The following IL22RA2 variants were observed in gnomAD, a reference collection of about 807,000 sequenced individuals.
IL22RA2 encodes the protein interleukin 22 receptor subunit alpha 2.
A neutral mutation model predicts 30.7 loss-of-function variants in IL22RA2; 39 were observed. That is an observed-to-expected ratio of 1.27 (90% confidence interval 0.98 to 1.66). IL22RA2 has a LOEUF of 1.66. Among genes scored for constraint, IL22RA2 ranks in the 40% most tolerant of loss-of-function variants. The pLI, the probability that IL22RA2 is intolerant of heterozygous loss-of-function variation, is 0.00. For synonymous variants in IL22RA2, 103 were observed against 105.0 expected, an observed-to-expected ratio of 0.98 and a Z score of 0.11; for missense variants, 315 against 312.7, an observed-to-expected ratio of 1.01 and a Z score of -0.05.
At position 137,145,672 on chromosome 6, in the gene IL22RA2, T is replaced by G. The variant is rs758149655; in HGVS notation, c.744A>C (p.Leu248Phe). The change falls in exon 7 of 7, where the codon TTA becomes TTC. Residue 248 changes from leucine to phenylalanine, a missense_variant. By Grantham distance (22) the Leu-to-Phe change is conservative. Transcript: ENST00000296980. ...CTTCACTTCTCTGACTTCTTCTGTC[T>G]AACATGGGCTGATATATTTCAGCCA... is the stretch of plus-strand genomic sequence containing the variant. ...CVVAEIYQPM[L>F]DRRSQRSEER... 1.2e-6 allele frequency: 2 copies of G among 1,612,756 alleles called. No individual in the cohort carries two copies. Among genetic ancestry groups the G allele is most frequent in the African/African-American group, 2.7e-5 (2 of 74,916 alleles).
At chr6:137,147,579 G>A (rs1329880929) in intron 6 of IL22RA2, 143 bp downstream of exon 6, 1 of 672,102 alleles carries the variant, frequency 1.5e-6, no homozygotes, top group South Asian at 2.3e-5. Context: ...GTTGATCAAT[G>A]ATGGCTGAGA....
At position 137,145,020 on chromosome 6, in the gene IL22RA2, ACC is replaced by A. The variant is rs1778146205; in HGVS notation, c.*602_*603del. The stretch of plus-strand genomic sequence containing the variant: ...AAATCATAAGATTTTTTTCCCCAAA[ACC>A]TGTTCTTATTTACATAAAGTAGACT... On this transcript the variant is annotated 3_prime_UTR_variant, in exon 7 of 7. Coordinates refer to ENST00000296980, the MANE Select transcript of IL22RA2 (RefSeq NM_052962.3). The A allele has an allele frequency of 6.6e-6, 1 of 151,730 alleles. No homozygotes were observed. The allele number at this position is 151,730 out of a possible 1,614,324, so 9.4% of individuals were successfully genotyped here.
At chr6:137,159,404 T>G (rs1419113376) in intron 2 of IL22RA2, among the ~76,000 whole-genome samples, 1 of 152,022 alleles carries the variant, frequency 6.6e-6, no homozygotes, top group Non-Finnish European at 1.5e-5. Context: ...CACTGCAACC[T>G]CTGCCTCCCG....
At chr6:137,172,872 A>T (rs1435634532) in intron 1 of IL22RA2, among the ~76,000 whole-genome samples, 1 of 150,600 alleles carries the variant, frequency 6.6e-6, no homozygotes, top group African/African-American at 2.4e-5. Flanking sequence ...TATTATTTTT[A>T]TTTTTTTTTA....
At chr6:137,159,758 C>G (rs1488888227) in intron 2 of IL22RA2, among the ~76,000 whole-genome samples, 1 of 152,204 alleles carries the variant, frequency 6.6e-6, no homozygotes, top group Non-Finnish European at 1.5e-5. Flanking sequence ...TGGCCCTTCC[C>G]TTTTCCTGGT....
chr6:137,162,489 C>T (rs952937173), intron 1 of IL22RA2, among the ~76,000 whole-genome samples: 3 of 152,154 alleles, frequency 2.0e-5, no homozygotes, highest in African/African-American at 7.2e-5. Flanking sequence ...CCTGTCAAAC[C>T]ACATGATTCC....
At chr6:137,153,814 C>A (rs141641124) in intron 5 of IL22RA2, among the ~76,000 whole-genome samples, 2 of 151,896 alleles carry the variant, frequency 1.3e-5, no homozygotes, top group African/African-American at 4.8e-5. Flanking sequence ...TTAGGTCAAG[C>A]GGAGACAGGA....
intron 6 of IL22RA2, 76 bp downstream of exon 6, chr6:137,147,646 C>T: frequency 9.4e-6 from 11 of 1,171,784 alleles, no homozygotes; most frequent in Non-Finnish European, 1.1e-5. Flanking sequence ...CAGAAGAGGA[C>T]ATCTCATATG....
At position 137,143,867 on chromosome 6, in the gene IL22RA2, A is replaced by G. The variant is rs1197067365; in HGVS notation, c.*1757T>C. On this transcript the variant is annotated 3_prime_UTR_variant, in exon 7 of 7. Transcript: ENST00000296980. Reference sequence around the variant, plus strand: ...GAAATCATGTGACAATATATCCCTAACACCATGAAGAAGATGACAATTATG... The same window carrying G: ...GAAATCATGTGACAATATATCCCTAGCACCATGAAGAAGATGACAATTATG... 6.6e-6 allele frequency: 1 copy of G among 152,252 alleles called. No homozygotes were observed. Among genetic ancestry groups the G allele is most frequent in the Non-Finnish European group, 1.5e-5 (1 of 68,042 alleles). 9.4% of individuals were successfully genotyped at this position (152,252 alleles called of 1,614,324 possible). A position where few individuals can be genotyped will look rare whatever the true frequency, so the allele number is the denominator to read the frequency against.
chr6:137,155,677 T>G lies in IL22RA2; in HGVS notation c.294-558A>C, dbSNP rs55665717. On this transcript the variant is annotated intron_variant, in intron 4 of 6. Coordinates refer to ENST00000296980, the MANE Select transcript of IL22RA2 (RefSeq NM_052962.3). The stretch of plus-strand genomic sequence containing the variant: ...TCCCCAAAGTCCCACCTCTCAACAT[T>G]GCTGCACTGGGGATCAGGTTTCCAA... Among the ~76,000 whole-genome samples, 764 of 152,164 alleles carry G rather than the reference T, an allele frequency of 5.0e-3. 9 individuals are homozygous for G. Among genetic ancestry groups the G allele is most frequent in the African/African-American group, 0.018 (733 of 41,512 alleles).
intron 4 of IL22RA2, 114 bp downstream of exon 4, chr6:137,156,645 G>A (rs1472428431): frequency 7.2e-7 from 1 of 1,393,702 alleles, no homozygotes. Context: ...ATCCCTTAGA[G>A]ACAGGAATGG....
intron 5 of IL22RA2, among the ~76,000 whole-genome samples, chr6:137,152,683 G>A (rs2114360316): frequency 6.6e-6 from 1 of 152,298 alleles, no homozygotes; most frequent in East Asian, 1.9e-4. Flanking sequence ...TAAACTGTAT[G>A]CTATATGCTT....
intron 1 of IL22RA2, among the ~76,000 whole-genome samples, 168 bp downstream of exon 1, chr6:137,173,245 G>T (rs1196411547): frequency 6.6e-6 from 1 of 152,176 alleles, no homozygotes; most frequent in Non-Finnish European, 1.5e-5. Flanking sequence ...GACGGTGTGT[G>T]CCTGTAATCC....
chr6:137,161,791 AC>A lies in IL22RA2; in HGVS notation c.-43del. ...GTTCAGGCAACCAGTGTTCCTTTTAACCAGCTCAGGACCAAAGAGGAAACTG... is the reference window on the plus strand; with the variant it reads ...GTTCAGGCAACCAGTGTTCCTTTTAACAGCTCAGGACCAAAGAGGAAACTG... On this transcript the variant is annotated 5_prime_UTR_variant, in exon 2 of 7. Transcript: ENST00000296980. 1 of 1,541,044 alleles carries A rather than the reference AC, an allele frequency of 6.5e-7. No individual in the cohort carries two copies.
chr6:137,158,173 A>G (rs2114373974), intron 3 of IL22RA2, among the ~76,000 whole-genome samples, 174 bp downstream of exon 3: 1 of 152,284 alleles, frequency 6.6e-6, no homozygotes, highest in South Asian at 2.1e-4. Context: ...ACCATCATGC[A>G]TTTTGAGTCC....
chr6:137,163,181 C>G (rs747624186), intron 1 of IL22RA2, among the ~76,000 whole-genome samples: 1 of 152,166 alleles, frequency 6.6e-6, no homozygotes, highest in Non-Finnish European at 1.5e-5. Flanking sequence ...TGTAATGCTG[C>G]CTTTGTTTCT....
intron 5 of IL22RA2, among the ~76,000 whole-genome samples, chr6:137,151,490 T>C (rs28741420): frequency 5.6e-4 from 86 of 152,340 alleles, no homozygotes; most frequent in African/African-American, 2.0e-3. Flanking sequence ...TTCATGATTT[T>C]GGATTTGGCA....
chr6:137,158,539 A>G (rs1778457791), intron 2 of IL22RA2, 57 bp from the exon 3 acceptor site: 2 of 1,585,936 alleles, frequency 1.3e-6, no homozygotes, highest in East Asian at 2.2e-5. Context: ...TGCTGTTCCC[A>G]GCAGTAGTTT....
chr6:137,171,043 ATT>A (rs1286299988), intron 1 of IL22RA2, among the ~76,000 whole-genome samples: 1 of 152,126 alleles, frequency 6.6e-6, no homozygotes, highest in Non-Finnish European at 1.5e-5. Flanking sequence ...ACTGGTTTCT[ATT>A]TTCTCTTGTA....
Sources: gnomAD v4.1 joint callset for allele counts (sites outside exome capture counted in the v4.1 genomes callset) on GRCh38, gnomAD v4.1.1 for gene constraint, MANE v1.5 for transcripts, NCBI Gene and HGNC (gene_info 2026-07-23, HGNC 2026-07-21) for gene names.